Variants in RHBDL3 observed in about 807,000 individuals in gnomAD.
The protein encoded by RHBDL3 is rhomboid like 3.
In RHBDL3, 28 loss-of-function variants were observed where a neutral mutation model predicts 48.2. The observed-to-expected ratio is 0.58, with a 90% CI of 0.43 to 0.80. RHBDL3 has a LOEUF of 0.80. Among genes scored for constraint, RHBDL3 ranks in the 30% least tolerant of loss-of-function variants. The pLI is 0.00. For missense variants in RHBDL3, 464 were observed against 542.7 expected (o/e 0.85, Z 1.44); for synonymous variants, 208 against 232.3 (o/e 0.90, Z 0.95).
At chr17:32,271,194 T>C (rs2039765744) in intron 2 of RHBDL3, among the ~76,000 whole-genome samples, 1 of 152,244 alleles carries the variant, frequency 6.6e-6, no homozygotes, top group African/African-American at 2.4e-5. Context: ...CTACTACTTT[T>C]TCTATGATTA....
In RHBDL3 at chr17:32,294,361, A is replaced by G; in HGVS notation, c.587A>G (p.Tyr196Cys). The change falls in exon 5 of 9, where the codon TAC (tyrosine) becomes TGC (cysteine). Residue 196 changes from tyrosine to cysteine, a missense_variant. Tyr to Cys is a radical substitution (Grantham distance 194, BLOSUM62 -2). Transcript: ENST00000269051. ...GTACTGCAGGTAACTCATCCACGTT[A>G]CTTGAAGAACTCCCTGGTTTACCAC... ...QFVLQVTHPR[Y>C]LKNSLVYHPQ... 6.2e-7 allele frequency: 1 copy of G among 1,614,100 alleles called. No individual in the cohort carries two copies. Among genetic ancestry groups the G allele is most frequent in the Non-Finnish European group, 8.5e-7 (1 of 1,180,004 alleles).
In RHBDL3 at chr17:32,267,864, C is replaced by T. The variant is rs374327553; in HGVS notation, c.112-38C>T. On this transcript the variant is annotated intron_variant, in intron 1 of 8. Coordinates refer to ENST00000269051, the MANE Select transcript of RHBDL3 (RefSeq NM_138328.3). ...TGATAAGTGTGTCTTTCTTTCTCTCCTCTTCTTCCTCTCCTGCATGGCCTC... is the reference window on the plus strand; with the variant it reads ...TGATAAGTGTGTCTTTCTTTCTCTCTTCTTCTTCCTCTCCTGCATGGCCTC... The T allele has an allele frequency of 1.9e-6, 3 of 1,613,664 alleles. No individual in the cohort carries two copies. The African/African-American group carries it at 4.0e-5, about 22-fold the overall frequency.
intron 2 of RHBDL3, among the ~76,000 whole-genome samples, chr17:32,281,129 G>A (rs950743489): frequency 6.6e-6 from 1 of 152,156 alleles, no homozygotes; most frequent in African/African-American, 2.4e-5. Context: ...GCAGAGAACC[G>A]AGGCTCGGCC....
chr17:32,279,667 T>G (rs1246059706), intron 2 of RHBDL3, among the ~76,000 whole-genome samples: 3 of 152,212 alleles, frequency 2.0e-5, no homozygotes, highest in Non-Finnish European at 4.4e-5. Flanking sequence ...GGGTTGTGGA[T>G]TTCTCATTTT....
At chr17:32,305,255 G>A (rs16967266) in intron 6 of RHBDL3, 86 bp from the exon 7 acceptor site, 472,469 of 871,820 alleles carry the variant, frequency 0.54, 134,411 homozygotes, top group Non-Finnish European at 0.6. Flanking sequence ...GTCTTAGCAC[G>A]GAGCCTGCAG....
At chr17:32,308,085 G>C (rs2040752579) in intron 7 of RHBDL3, among the ~76,000 whole-genome samples, 1 of 152,204 alleles carries the variant, frequency 6.6e-6, no homozygotes, top group Non-Finnish European at 1.5e-5. Context: ...AAGGACCATG[G>C]AGTAGGGCAC....
At chr17:32,316,628 C>G (rs2040981381) in intron 8 of RHBDL3, among the ~76,000 whole-genome samples, 1 of 151,834 alleles carries the variant, frequency 6.6e-6, no homozygotes, top group Non-Finnish European at 1.5e-5. Context: ...CGGTGATCCT[C>G]CCTCTTCAGC....
intron 2 of RHBDL3, among the ~76,000 whole-genome samples, chr17:32,279,478 TTCCCTGACCTGCTG>T (rs1309958701): frequency 6.6e-6 from 1 of 152,138 alleles, no homozygotes; most frequent in African/African-American, 2.4e-5. Context: ...TGATTTCTGA[TTCCCTGACCTGCTG>T]TCCCTCTCCC....
rs574778886 is a variant in RHBDL3, at chr17:32,266,601, G to T, written c.111+301G>T. Among the ~76,000 whole-genome samples, 135 of 152,282 alleles carry T rather than the reference G, an allele frequency of 8.9e-4. No homozygotes were observed. In the Middle Eastern group the frequency reaches 0.014, roughly 15 times the overall value. On this transcript the variant is annotated intron_variant, in intron 1 of 8. Transcript: ENST00000269051. ...GCTGGTGCAGTGCCCGGGACACGGC[G>T]TTTTCCCGCAGAGGCGGCCGCGTCA...
At chr17:32,283,369 T>C (rs1415810694) in intron 2 of RHBDL3, among the ~76,000 whole-genome samples, 2 of 143,064 alleles carry the variant, frequency 1.4e-5, no homozygotes, top group Non-Finnish European at 3.0e-5. Flanking sequence ...TTGCCCAGGC[T>C]GGAGTGCAGT....
At chr17:32,266,747 C>G (rs1212318598) in intron 1 of RHBDL3, among the ~76,000 whole-genome samples, 1 of 152,136 alleles carries the variant, frequency 6.6e-6, no homozygotes, top group Non-Finnish European at 1.5e-5. Flanking sequence ...CCCCTTCCTC[C>G]GCTCCCGGAT....
At chr17:32,314,604 G>A (rs2040926195) in intron 7 of RHBDL3, among the ~76,000 whole-genome samples, 1 of 152,216 alleles carries the variant, frequency 6.6e-6, no homozygotes, top group South Asian at 2.1e-4. Context: ...CTCCCAGGGA[G>A]ACAGGGAGCA....
chr17:32,319,908 C>T (rs1387618196), intron 8 of RHBDL3, among the ~76,000 whole-genome samples: 1 of 152,106 alleles, frequency 6.6e-6, no homozygotes, highest in African/African-American at 2.4e-5. Flanking sequence ...GCGCCCATCC[C>T]CACTTGACTG....
chr17:32,298,784 C>G (rs994459019), intron 6 of RHBDL3, among the ~76,000 whole-genome samples: 2 of 152,228 alleles, frequency 1.3e-5, no homozygotes, highest in Non-Finnish European at 2.9e-5. Context: ...GGAGTCTGAC[C>G]TAAGAGGCAG....
At position 32,323,173 on chromosome 17, in the gene RHBDL3, C is replaced by T. The variant is rs746097451; in HGVS notation, c.*1944C>T. ...ATCCACATATGTAGTTCCCTAGGTC[C>T]TGCTCCCCTGCACCAGTGCCATGCT... On this transcript the variant is annotated 3_prime_UTR_variant, in exon 9 of 9. Coordinates refer to ENST00000269051, the MANE Select transcript of RHBDL3 (RefSeq NM_138328.3). 2.6e-5 allele frequency: 4 copies of T among 152,398 alleles called. No individual in the cohort carries two copies. Among genetic ancestry groups the T allele is most frequent in the Non-Finnish European group, 4.4e-5 (3 of 68,156 alleles). The allele number at this position is 152,398 out of a possible 1,614,324, so 9.4% of individuals were successfully genotyped here.
chr17:32,288,064 GC>G (rs1289622247), intron 3 of RHBDL3, among the ~76,000 whole-genome samples: 1 of 152,196 alleles, frequency 6.6e-6, no homozygotes, highest in Non-Finnish European at 1.5e-5. Flanking sequence ...TCCTGTGAAG[GC>G]CCTCGGGAGT....
chr17:32,267,341 C>G (rs1036910271), intron 1 of RHBDL3, among the ~76,000 whole-genome samples: 3 of 148,708 alleles, frequency 2.0e-5, no homozygotes, highest in African/African-American at 7.8e-5. Context: ...CATTCACCAC[C>G]CCCCCTTCCC....
At chr17:32,275,393 C>A (rs780590325) in intron 2 of RHBDL3, among the ~76,000 whole-genome samples, 1 of 152,174 alleles carries the variant, frequency 6.6e-6, no homozygotes, top group African/African-American at 2.4e-5. Flanking sequence ...GGAAGGGAGC[C>A]GTCTGTGTGC....
intron 2 of RHBDL3, among the ~76,000 whole-genome samples, chr17:32,269,886 T>G (rs2150687040): frequency 6.6e-6 from 1 of 152,214 alleles, no homozygotes; most frequent in South Asian, 2.1e-4. Context: ...ATTTTGGAAC[T>G]CAAGGGAGCA....
Sources: gnomAD v4.1 joint callset for allele counts (sites outside exome capture counted in the v4.1 genomes callset) on GRCh38, gnomAD v4.1.1 for gene constraint, MANE v1.5 for transcripts, NCBI Gene and HGNC (gene_info 2026-07-23, HGNC 2026-07-21) for gene names.